NUDCD1: variants seen among roughly 807,000 people sequenced by gnomAD.
NUDCD1 encodes the protein NudC domain containing 1.
In NUDCD1, 60 loss-of-function variants were observed where a neutral mutation model predicts 67.8. The ratio of observed to expected loss-of-function variants is 0.88; its 90% confidence interval spans 0.72 to 1.10. NUDCD1 has a LOEUF of 1.10. Ranked by LOEUF, NUDCD1 falls within the 50% of genes least tolerant of loss-of-function variation. NUDCD1 has a pLI of 0.00. For missense variants in NUDCD1, 643 were observed against 695.0 expected (o/e 0.93, Z 0.84); for synonymous variants, 244 against 230.8 (o/e 1.06, Z -0.52).
chr8:109,322,158 AAG>A, intron 2 of NUDCD1, 149 bp downstream of exon 2: 1 of 429,300 alleles, frequency 2.3e-6, no homozygotes, highest in Non-Finnish European at 4.3e-6. Context: ...AAATTGAAAT[AAG>A]AAATGGAGTA....
chr8:109,243,364 G>T, intron 9 of NUDCD1, 63 bp from the exon 10 acceptor site: 1 of 1,295,850 alleles, frequency 7.7e-7, no homozygotes, highest in South Asian at 1.6e-5. Flanking sequence ...GAAAAATGAT[G>T]ATTTAACATT....
At chr8:109,289,255 G>A (rs1218076037) in intron 5 of NUDCD1, among the ~76,000 whole-genome samples, 6 of 152,030 alleles carry the variant, frequency 3.9e-5, no homozygotes, top group Admixed American at 6.6e-5. Context: ...GATTACAGGC[G>A]TGAGCTGCCG....
At position 109,251,083 on chromosome 8, in the gene NUDCD1, C is replaced by G. The variant is rs75553309; in HGVS notation, c.1300-5602G>C. On this transcript the variant is annotated intron_variant, in intron 8 of 9. Transcript: ENST00000239690. The stretch of plus-strand genomic sequence containing the variant: ...TAAAATAAACCAGTGAAGCCATCTG[C>G]GGCTGGAGATTTCTTTGTTGGAAAG... Among the ~76,000 whole-genome samples the G allele has an allele frequency of 3.3e-3, 497 of 151,944 alleles. 3 individuals are homozygous for G. Among genetic ancestry groups the G allele is most frequent in the African/African-American group, 0.011 (458 of 41,444 alleles).
At chr8:109,285,788 A>G (rs145646982) in intron 5 of NUDCD1, among the ~76,000 whole-genome samples, 1 of 152,270 alleles carries the variant, frequency 6.6e-6, no homozygotes, top group African/African-American at 2.4e-5. Flanking sequence ...CCTATTCAAC[A>G]TAGTCCTGGA....
At position 109,314,948 on chromosome 8, in the gene NUDCD1, A is replaced by C. The variant is rs1815355445; in HGVS notation, c.273+7361T>G. Reference sequence around the variant, plus strand: ...TAGAAAGGGCTACTCAAGTTTAAAAAAATAAGCAAGTGGGGATACCATTTA... The same window carrying C: ...TAGAAAGGGCTACTCAAGTTTAAAACAATAAGCAAGTGGGGATACCATTTA... On this transcript the variant is annotated intron_variant, in intron 2 of 9. Transcript: ENST00000239690. 2.0e-5 allele frequency among the ~76,000 whole-genome samples: 3 copies of C among 152,274 alleles called. 1 individual carries two copies. In the South Asian group the frequency reaches 6.2e-4, roughly 32 times the overall value.
chr8:109,243,121 A>G lies in NUDCD1; in HGVS notation c.1640T>C (p.Val547Ala), dbSNP rs527461932. ...AGGATCATTGGTTTCTAGGCTTGCT[A>G]CTTGCTGCTTAGCAACCTGTCCTAC... ...RQVGQVAKQQ[V>A]ASLETNDPIL... The change falls in exon 10 of 10, where the codon GTA becomes GCA. Residue 547 changes from valine (V) to alanine (A), a missense_variant. Val to Ala is a moderately conservative substitution (Grantham distance 64). Transcript: ENST00000239690. 1 of 1,613,858 alleles carries G rather than the reference A, an allele frequency of 6.2e-7. No individual in the cohort carries two copies. The highest frequency in any genetic ancestry group is 1.1e-5 in the South Asian group (1 of 91,078).
At chr8:109,303,970 T>C (rs1181388047) in intron 2 of NUDCD1, among the ~76,000 whole-genome samples, 2 of 152,068 alleles carry the variant, frequency 1.3e-5, no homozygotes, top group East Asian at 3.9e-4. Context: ...CACCCCATGG[T>C]GCCAAAACCA....
At chr8:109,290,041 T>C (rs931480274) in intron 4 of NUDCD1, 108 bp from the exon 5 acceptor site, 1 of 539,926 alleles carries the variant, frequency 1.9e-6, no homozygotes, top group Non-Finnish European at 3.1e-6. Context: ...TTGAATGTAT[T>C]ATTAAAAGGT....
At chr8:109,301,830 C>T (rs925730298) in intron 2 of NUDCD1, among the ~76,000 whole-genome samples, 73 of 152,380 alleles carry the variant, frequency 4.8e-4, no homozygotes, top group African/African-American at 1.7e-3. Flanking sequence ...GACAGTCTTC[C>T]CTTGGTGTTT....
At position 109,281,059 on chromosome 8, in the gene NUDCD1, T is replaced by C. The variant is rs775727737; in HGVS notation, c.937A>G (p.Ile313Val). Residue 313 changes from isoleucine (I) to valine (V), a missense_variant, in exon 6 of 10, where the codon ATT becomes GTT. Physicochemically the swap from Ile to Val is conservative, Grantham distance 29. Transcript: ENST00000239690. Reference sequence around the variant, plus strand: ...AAAAACTGGTGATCCTTCAGTACAATGTTGATGTGATCAGGCAAAAACTGT... The same window carrying C: ...AAAAACTGGTGATCCTTCAGTACAACGTTGATGTGATCAGGCAAAAACTGT... ...QIQFLPDHIN[I>V]VLKDHQFLEG... 1.1e-5 allele frequency: 18 copies of C among 1,612,530 alleles called. No individual in the cohort carries two copies. Among genetic ancestry groups the C allele is most frequent in the East Asian group, 4.5e-5 (2 of 44,796 alleles).
chr8:109,329,124 A>G (rs1342384597), intron 1 of NUDCD1, among the ~76,000 whole-genome samples: 1 of 152,078 alleles, frequency 6.6e-6, no homozygotes, highest in Non-Finnish European at 1.5e-5. Flanking sequence ...CAAGAGACTA[A>G]TATTACAAAA....
At chr8:109,319,219 C>T (rs991775037) in intron 2 of NUDCD1, among the ~76,000 whole-genome samples, 2 of 152,088 alleles carry the variant, frequency 1.3e-5, no homozygotes, top group African/African-American at 4.8e-5. Flanking sequence ...ATGATCCGCC[C>T]GCCTCTGCCT....
At chr8:109,272,916 A>G (rs1384018657) in intron 7 of NUDCD1, among the ~76,000 whole-genome samples, 6 of 152,140 alleles carry the variant, frequency 3.9e-5, no homozygotes, top group Non-Finnish European at 8.8e-5. Flanking sequence ...ACTCAAGGAG[A>G]TATCTATGTC....
intron 2 of NUDCD1, among the ~76,000 whole-genome samples, chr8:109,304,411 C>T (rs1052102647): frequency 1.3e-5 from 2 of 152,130 alleles, no homozygotes; most frequent in African/African-American, 4.8e-5. Flanking sequence ...TTCCACTAGG[C>T]CTAATCACCA....
intron 8 of NUDCD1, among the ~76,000 whole-genome samples, chr8:109,266,373 C>T (rs943402673): frequency 1.3e-4 from 19 of 149,808 alleles, no homozygotes; most frequent in Middle Eastern, 3.2e-3. Flanking sequence ...CTACAGGTGC[C>T]TGCCACCATG....
rs553514246 is a variant in NUDCD1 at position 109,332,363 on chromosome 8, G to A, written c.118+1530C>T. Among the ~76,000 whole-genome samples the A allele has an allele frequency of 2.0e-5, 3 of 152,110 alleles. No homozygotes were observed. The East Asian group carries it at 5.8e-4, about 29-fold the overall frequency. On this transcript the variant is annotated intron_variant, in intron 1 of 9. Transcript: ENST00000239690. Reference sequence around the variant, plus strand: ...CCGGACTTGCTACCAAGCAGACAGTGGCTAAAAGAAATAAACCCCAAATGA... The same window carrying A: ...CCGGACTTGCTACCAAGCAGACAGTAGCTAAAAGAAATAAACCCCAAATGA...
chr8:109,274,734 T>C (rs1814238264), intron 7 of NUDCD1, among the ~76,000 whole-genome samples: 2 of 152,188 alleles, frequency 1.3e-5, no homozygotes, highest in South Asian at 4.1e-4. Flanking sequence ...AAGATGGCAA[T>C]AAACCAGACA....
chr8:109,329,511 A>G (rs1346150834), intron 1 of NUDCD1, among the ~76,000 whole-genome samples: 2 of 152,228 alleles, frequency 1.3e-5, no homozygotes, highest in African/African-American at 2.4e-5. Context: ...AGATAGGATA[A>G]TGTGAGATTT....
At chr8:109,305,277 A>G (rs1815077709) in intron 2 of NUDCD1, among the ~76,000 whole-genome samples, 1 of 152,192 alleles carries the variant, frequency 6.6e-6, no homozygotes, top group Non-Finnish European at 1.5e-5. Context: ...CCTTTCCCAC[A>G]GGGTCTGAGA....
Sources: gnomAD v4.1 joint callset for allele counts (sites outside exome capture counted in the v4.1 genomes callset) on GRCh38, gnomAD v4.1.1 for gene constraint, MANE v1.5 for transcripts, NCBI Gene and HGNC (gene_info 2026-07-23, HGNC 2026-07-21) for gene names.